The following CFLAR variants were observed in gnomAD, a reference collection of about 807,000 sequenced individuals.
The protein encoded by CFLAR is CASP8 and FADD-like apoptosis regulator.
In CFLAR, 14 loss-of-function variants were observed where a neutral mutation model predicts 51.1. The ratio of observed to expected loss-of-function variants is 0.27; its 90% CI spans 0.18 to 0.43. The LOEUF is 0.43. Ranked by LOEUF, CFLAR falls within the 20% of genes least tolerant of loss-of-function variation. The pLI is 1.00. For missense variants in CFLAR, 390 were observed against 566.5 expected (o/e 0.69, Z 3.16); for synonymous variants, 210 against 211.6 (o/e 0.99, Z 0.06).
Position 201,166,469 on chromosome 2 carries a change from C to T in CFLAR, c.*2496C>T, listed in dbSNP as rs1380097287. On this transcript the variant is annotated 3_prime_UTR_variant, in exon 10 of 10. Transcript: ENST00000309955. ...GGGGTGGCCGGGCAGAGAAGCTCCTCACATCCCAGACGGGGGGGCGGGGCA... is the reference window on the plus strand; with the variant it reads ...GGGGTGGCCGGGCAGAGAAGCTCCTTACATCCCAGACGGGGGGGCGGGGCA... The T allele has an allele frequency of 5.9e-6, 1 of 169,382 alleles. No homozygotes were observed. The highest frequency in any genetic ancestry group is 1.3e-5 in the Non-Finnish European group (1 of 79,080). The allele number at this position is 169,382 out of a possible 1,614,324, so 10.5% of individuals were successfully genotyped here. A position where few individuals can be genotyped will look rare whatever the true frequency, so the allele number is the denominator to read the frequency against.
Position 201,174,602 on chromosome 2 carries a change from C to T in CFLAR, c.*10629C>T, listed in dbSNP as rs1202175827. On this transcript the variant is annotated 3_prime_UTR_variant, in exon 10 of 10. Transcript: ENST00000309955. ...CTTGCTATGTTGCCCAGGCTGGTCT[C>T]AAACTCCTGGCCTCAAACAATCCTC... 1.3e-5 allele frequency: 2 copies of T among 152,172 alleles called. No individual in the cohort carries two copies. The highest frequency in any genetic ancestry group is 2.4e-5 in the African/African-American group (1 of 41,424). 9.4% of individuals were successfully genotyped at this position (152,172 alleles called of 1,614,324 possible). A position where few individuals can be genotyped will look rare whatever the true frequency, so the allele number is the denominator to read the frequency against.
intron 1 of CFLAR, among the ~76,000 whole-genome samples, chr2:201,121,921 ATGCCTGTTTTCCTGAC>A (rs1217606359): frequency 6.6e-6 from 1 of 152,190 alleles, no homozygotes; most frequent in East Asian, 1.9e-4. Flanking sequence ...AGGAGAAGGA[ATGCCTGTTTTCCTGAC>A]TGCTGTTGCA....
At position 201,166,277 on chromosome 2, in the gene CFLAR, T is replaced by C. The variant is rs1004902081; in HGVS notation, c.*2304T>C. The stretch of plus-strand genomic sequence containing the variant: ...GCGGGGGCTGACCCCCACGCCTCCC[T>C]CCCGGACGGGGCGGCTGCCAGGCGG... On this transcript the variant is annotated 3_prime_UTR_variant, in exon 10 of 10. Coordinates refer to ENST00000309955, the MANE Select transcript of CFLAR (RefSeq NM_003879.7). 1.4e-5 allele frequency: 2 copies of C among 146,366 alleles called. No individual in the cohort carries two copies. The highest frequency in any genetic ancestry group is 3.0e-5 in the Non-Finnish European group (2 of 66,214). 9.1% of individuals were successfully genotyped at this position (146,366 alleles called of 1,614,324 possible). A position where few individuals can be genotyped will look rare whatever the true frequency, so the allele number is the denominator to read the frequency against.
chr2:201,134,853 A>G (rs2049892043), intron 3 of CFLAR, among the ~76,000 whole-genome samples: 1 of 152,052 alleles, frequency 6.6e-6, no homozygotes, highest in Non-Finnish European at 1.5e-5. Flanking sequence ...TTGCTTGAGA[A>G]TTTCCTCATG....
rs185215245 is a variant in CFLAR, at chr2:201,138,382, C to T, written c.524-1975C>T. 10 of 773,026 alleles carry T rather than the reference C, an allele frequency of 1.3e-5. No homozygotes were observed. The highest frequency in any genetic ancestry group is 2.7e-5 in the South Asian group (2 of 73,602). 47.9% of individuals were successfully genotyped at this position (773,026 alleles called of 1,614,324 possible). A position where few individuals can be genotyped will look rare whatever the true frequency, so the allele number is the denominator to read the frequency against. ...CCACAGGGTAGTCTCGGTTCTTCAG[C>T]GCGGTGCAGGTGATAATGGCCACCA... On this transcript the variant is annotated intron_variant, in intron 4 of 9. Coordinates refer to ENST00000309955, the MANE Select transcript of CFLAR (RefSeq NM_003879.7). The surrounding 1 kb of genome is among the most constrained non-coding windows in gnomAD (Gnocchi z 4.0).
chr2:201,135,955 G>T lies in CFLAR; in HGVS notation c.388-17G>T, dbSNP rs1334583829. 6.2e-7 allele frequency: 1 copy of T among 1,601,038 alleles called. No homozygotes were observed. The highest frequency in any genetic ancestry group is 8.5e-7 in the Non-Finnish European group (1 of 1,175,620). On this transcript the variant is annotated splice_polypyrimidine_tract_variant and intron_variant, in intron 3 of 9. Coordinates refer to ENST00000309955, the MANE Select transcript of CFLAR (RefSeq NM_003879.7). ...CTAGCTCTATTGACATTTGTTTTTT[G>T]TTGGTGGTTCTCTTAGAGTTTCTTG... is the stretch of plus-strand genomic sequence containing the variant.
At chr2:201,121,288 A>G (rs1311048458) in intron 1 of CFLAR, among the ~76,000 whole-genome samples, 1 of 152,248 alleles carries the variant, frequency 6.6e-6, no homozygotes, top group Non-Finnish European at 1.5e-5. Context: ...TGTATATAGC[A>G]CAAAGCTATA....
intron 1 of CFLAR, among the ~76,000 whole-genome samples, chr2:201,127,277 A>C (rs56355636): frequency 0.038 from 5,786 of 152,308 alleles, 136 homozygotes; most frequent in Middle Eastern, 0.082. Flanking sequence ...GACTCTTCAG[A>C]AGAGGCGAAT....
chr2:201,141,390 C>A, intron 5 of CFLAR: 1 of 1,559,562 alleles, frequency 6.4e-7, no homozygotes, highest in Non-Finnish European at 8.7e-7. Context: ...ACACCCTATG[C>A]CCATTGTCCT....
In CFLAR at chr2:201,138,077, G is replaced by A; in HGVS notation, c.523+1970G>A. ...TCACTTCCTGGTTGATGTAGATGGA[G>A]CCGCGCAGTCCATGCCCCTGCCCAG... On this transcript the variant is annotated intron_variant, in intron 4 of 9. Transcript: ENST00000309955. This position sits in a 1 kb window ranked among gnomAD's most constrained non-coding sequence, Gnocchi z 4.0. 1 of 731,606 alleles carries A rather than the reference G, an allele frequency of 1.4e-6. No homozygotes were observed. The allele number at this position is 731,606 out of a possible 1,614,324, so 45.3% of individuals were successfully genotyped here. A position where few individuals can be genotyped will look rare whatever the true frequency, so the allele number is the denominator to read the frequency against.
rs540860067 is a variant in CFLAR at position 201,176,588 on chromosome 2, T to G, written c.*12615T>G. The G allele has an allele frequency of 6.6e-6, 1 of 152,170 alleles. No homozygotes were observed. The highest frequency in any genetic ancestry group is 1.5e-5 in the Non-Finnish European group (1 of 68,026). The allele number at this position is 152,170 out of a possible 1,614,324, so 9.4% of individuals were successfully genotyped here. ...TCAAATACTAGCAGTTTCTCACTGT[T>G]TTTTGCCCTAGAAACAACAAACTAA... On this transcript the variant is annotated 3_prime_UTR_variant, in exon 10 of 10. Transcript: ENST00000309955.
In CFLAR at chr2:201,140,374, A is replaced by G. The variant is rs778979802; in HGVS notation, c.541A>G (p.Ser181Gly). Residue 181 changes from serine (S) to glycine (G), a missense_variant, in exon 5 of 10, where the codon AGT (serine) becomes GGT (glycine). This residue lies in a region of CFLAR where 287 missense variants were observed against 363.6 expected (regional missense o/e 0.79). Transcript: ENST00000309955. The part of the protein sequence containing the change: ...YKQSVQGAGT[S>G]YRNVLQAAIQ... Reference sequence around the variant, plus strand: ...TTTTATAGTTCAAGGAGCAGGGACAAGTTACAGGAATGTTCTCCAAGCAGC... The same window carrying G: ...TTTTATAGTTCAAGGAGCAGGGACAGGTTACAGGAATGTTCTCCAAGCAGC... The G allele has an allele frequency of 1.1e-5, 18 of 1,610,408 alleles. No individual in the cohort carries two copies. The highest frequency in any genetic ancestry group is 3.3e-4 in the Middle Eastern group (2 of 6,056).
In CFLAR at chr2:201,161,050, A is replaced by G. The variant is rs140413621; in HGVS notation, c.1304+108A>G. On this transcript the variant is annotated intron_variant, in intron 9 of 9. Transcript: ENST00000309955. Reference sequence around the variant, plus strand: ...TGCTGCCCATCTCTTCCGGGAGGAAAAGAGATTTTCCCTCCTGCATTGGGC... The same window carrying G: ...TGCTGCCCATCTCTTCCGGGAGGAAGAGAGATTTTCCCTCCTGCATTGGGC... 6.0e-4 allele frequency: 462 copies of G among 772,530 alleles called. No individual in the cohort carries two copies. The East Asian group carries it at 0.011, about 19-fold the overall frequency. 47.9% of individuals were successfully genotyped at this position (772,530 alleles called of 1,614,324 possible).
chr2:201,166,453 G>A lies in CFLAR; in HGVS notation c.*2480G>A, dbSNP rs1011013849. On this transcript the variant is annotated 3_prime_UTR_variant, in exon 10 of 10. Transcript: ENST00000309955. Reference sequence around the variant, plus strand: ...TCCTCACTTCTCAGACGGGGTGGCCGGGCAGAGAAGCTCCTCACATCCCAG... The same window carrying A: ...TCCTCACTTCTCAGACGGGGTGGCCAGGCAGAGAAGCTCCTCACATCCCAG... 104 of 165,928 alleles carry A rather than the reference G, an allele frequency of 6.3e-4. No homozygotes were observed. The highest frequency in any genetic ancestry group is 9.0e-4 in the Admixed American group (14 of 15,548). 10.3% of individuals were successfully genotyped at this position (165,928 alleles called of 1,614,324 possible).
Position 201,162,732 on chromosome 2 carries a change from G to A in CFLAR, c.1305-1103G>A, listed in dbSNP as rs551403925. On this transcript the variant is annotated intron_variant, in intron 9 of 9. Transcript: ENST00000309955. ...AAGGACAGGCACCCCTCTATCCCATGTATCACCCAAAAGACACTCACAGCC... is the reference window on the plus strand; with the variant it reads ...AAGGACAGGCACCCCTCTATCCCATATATCACCCAAAAGACACTCACAGCC... 17 of 350,650 alleles carry A rather than the reference G, an allele frequency of 4.8e-5. No individual in the cohort carries two copies. The East Asian group carries it at 6.6e-4, about 14-fold the overall frequency. The allele number at this position is 350,650 out of a possible 1,614,324, so 21.7% of individuals were successfully genotyped here.
At position 201,160,595 on chromosome 2, in the gene CFLAR, G is replaced by A. The variant is rs1942876762; in HGVS notation, c.957G>A (p.Gln319=). ...TCCTGGTGAGCCGAGGAGGCTCCCA[G>A]AGTGTGTATGGTGTGGATCAGACTC... ...VCVLVSRGGS[Q]SVYGVDQTHS... The change falls in exon 9 of 10, where the codon CAG becomes CAA. Residue 319 remains glutamine, a synonymous_variant. Transcript: ENST00000309955. 6.2e-7 allele frequency: 1 copy of A among 1,613,960 alleles called. No individual in the cohort carries two copies. The highest frequency in any genetic ancestry group is 1.3e-5 in the African/African-American group (1 of 74,882).
Position 201,136,123 on chromosome 2 carries a change from T to C in CFLAR, c.523+16T>C, listed in dbSNP as rs1372961227. 2 of 1,612,514 alleles carry C rather than the reference T, an allele frequency of 1.2e-6. No homozygotes were observed. The highest frequency in any genetic ancestry group is 1.7e-5 in the Admixed American group (1 of 59,938). ...AAGCAGTCTGGTAAGAATTTTGGCC[T>C]CTCAGTGGTCTAGGGGAAGTACTCT... is the stretch of plus-strand genomic sequence containing the variant. On this transcript the variant is annotated intron_variant, in intron 4 of 9. Transcript: ENST00000309955.
Position 201,138,113 on chromosome 2 carries a change from C to T in CFLAR, c.523+2006C>T, listed in dbSNP as rs1019988864. On this transcript the variant is annotated intron_variant, in intron 4 of 9. Coordinates refer to ENST00000309955, the MANE Select transcript of CFLAR (RefSeq NM_003879.7). The surrounding 1 kb of genome is among the most constrained non-coding windows in gnomAD (Gnocchi z 4.0). ...CATGCCCCTGCCCAGCCCATCCACA[C>T]CAGCGTCAATCAGGTTGTTGGCCTG... 6.2e-5 allele frequency: 47 copies of T among 763,294 alleles called. No individual in the cohort carries two copies. In the African/African-American group the frequency reaches 7.3e-4, roughly 12 times the overall value. 47.3% of individuals were successfully genotyped at this position (763,294 alleles called of 1,614,324 possible).
At position 201,160,828 on chromosome 2, in the gene CFLAR, G is replaced by C; in HGVS notation, c.1190G>C (p.Arg397Pro). 8.7e-6 allele frequency: 14 copies of C among 1,614,046 alleles called. No homozygotes were observed. Among genetic ancestry groups the C allele is most frequent in the Non-Finnish European group, 1.2e-5 (14 of 1,179,944 alleles). ...AQKRGLCTVH[R>P]EADFFWSLCT... is the part of the protein sequence containing the mutation. The stretch of plus-strand genomic sequence containing the variant: ...AAGCGAGGGCTGTGCACAGTTCACC[G>C]AGAAGCTGACTTCTTCTGGAGCCTG... The change falls in exon 9 of 10, where the codon CGA becomes CCA. Residue 397 changes from arginine (R) to proline (P), a missense_variant. Physicochemically the swap from Arg to Pro is moderately radical, Grantham distance 103 (BLOSUM62 -2). Coordinates refer to ENST00000309955, the MANE Select transcript of CFLAR (RefSeq NM_003879.7).
Sources: gnomAD v4.1 joint callset for allele counts (sites outside exome capture counted in the v4.1 genomes callset) on GRCh38, gnomAD v4.1.1 for gene constraint, gnomAD v4.1.1 regional missense constraint, Gnocchi (gnomAD v3.1) non-coding constraint, MANE v1.5 for transcripts, NCBI Gene and HGNC (gene_info 2026-07-23, HGNC 2026-07-21) for gene names.